Variants in WWOX observed in about 807,000 individuals in gnomAD.
WWOX encodes the protein WW domain containing oxidoreductase, also known as WW domain-containing oxidoreductase.
Under a neutral mutation model 46.2 loss-of-function variants are expected in WWOX, and 69 were observed. The observed-to-expected ratio is 1.49, with a 90% CI of 1.23 to 1.82. The LOEUF is 1.82. WWOX is among the 40% of genes most tolerant of loss of function. The pLI, the probability that WWOX is intolerant of heterozygous loss-of-function variation, is 0.00. For synonymous variants in WWOX, 359 were observed against 202.6 expected (o/e 1.77, Z -6.56); for missense variants, 919 against 542.6 (o/e 1.69, Z -6.89).
At chr16:78,654,689 A>G (rs1000423228) in intron 8 of WWOX, among the ~76,000 whole-genome samples, 2 of 152,056 alleles carry the variant, frequency 1.3e-5, no homozygotes, top group Admixed American at 1.3e-4. Flanking sequence ...ATAAAATTAC[A>G]TATCCAGTAT....
chr16:78,810,837 G>A (rs933895219), intron 8 of WWOX, among the ~76,000 whole-genome samples: 4 of 152,152 alleles, frequency 2.6e-5, no homozygotes, highest in Non-Finnish European at 5.9e-5. Context: ...AAATGACAGC[G>A]CAAGATCCAA....
intron 8 of WWOX, among the ~76,000 whole-genome samples, chr16:78,977,182 T>C (rs1236102264): frequency 6.6e-6 from 1 of 152,204 alleles, no homozygotes; most frequent in Non-Finnish European, 1.5e-5. Flanking sequence ...CAAGTGTTTG[T>C]TTTGAACCAC....
intron 8 of WWOX, among the ~76,000 whole-genome samples, chr16:78,635,954 A>G (rs1041541225): frequency 6.6e-6 from 1 of 152,284 alleles, no homozygotes; most frequent in Non-Finnish European, 1.5e-5. Flanking sequence ...GGAAGTACAG[A>G]GGAAGCCTTG....
At chr16:78,398,690 A>G (rs1220302062) in intron 6 of WWOX, among the ~76,000 whole-genome samples, 1 of 152,200 alleles carries the variant, frequency 6.6e-6, no homozygotes, top group African/African-American at 2.4e-5. Context: ...AGCTTGTAAT[A>G]TCTGTGCTAC....
At chr16:78,144,464 C>CATATAT (rs2034108954) in intron 4 of WWOX, among the ~76,000 whole-genome samples, 2 of 17,962 alleles carry the variant, frequency 1.1e-4, no homozygotes, top group Non-Finnish European at 2.2e-4. Context: ...TATATATATA[C>CATATAT]ACACATATAT....
chr16:78,179,332 A>G (rs2035453544), intron 5 of WWOX, among the ~76,000 whole-genome samples: 1 of 152,200 alleles, frequency 6.6e-6, no homozygotes, highest in African/African-American at 2.4e-5. Context: ...GGATTAACAG[A>G]TTACATTTGG....
chr16:78,807,167 T>G (rs531585142), intron 8 of WWOX, among the ~76,000 whole-genome samples: 35 of 152,340 alleles, frequency 2.3e-4, no homozygotes, highest in African/African-American at 7.5e-4. Flanking sequence ...TTATTTAGGT[T>G]TCTTGTGTCC....
chr16:78,398,591 A>G (rs2082341636), intron 6 of WWOX, among the ~76,000 whole-genome samples: 1 of 152,194 alleles, frequency 6.6e-6, no homozygotes, highest in Non-Finnish European at 1.5e-5. Flanking sequence ...TACATGGAAT[A>G]CTTCGGGGAT....
intron 8 of WWOX, among the ~76,000 whole-genome samples, chr16:78,727,810 T>A (rs865988622): frequency 3.9e-5 from 6 of 152,042 alleles, no homozygotes; most frequent in Admixed American, 6.6e-5. Flanking sequence ...GAGTGTGTCC[T>A]ACCTATGTGC....
intron 8 of WWOX, among the ~76,000 whole-genome samples, chr16:78,979,265 C>G (rs1228169742): frequency 6.6e-6 from 1 of 152,120 alleles, no homozygotes. Flanking sequence ...CCATTCCCAC[C>G]TCCCAGAGAT....
intron 8 of WWOX, among the ~76,000 whole-genome samples, chr16:78,637,109 C>T (rs2046590929): frequency 6.6e-6 from 1 of 152,180 alleles, no homozygotes; most frequent in African/African-American, 2.4e-5. Flanking sequence ...GCCCATCACA[C>T]TGCCTGCATT....
At chr16:79,187,274 C>G (rs922066203) in intron 8 of WWOX, among the ~76,000 whole-genome samples, 2 of 152,180 alleles carry the variant, frequency 1.3e-5, no homozygotes, top group South Asian at 4.1e-4. Context: ...ACGTGCTTAT[C>G]TATAGTGGTT....
chr16:78,815,324 C>T (rs553998524), intron 8 of WWOX, among the ~76,000 whole-genome samples: 4 of 144,978 alleles, frequency 2.8e-5, no homozygotes, highest in Non-Finnish European at 4.5e-5. Context: ...AACTCTGTCT[C>T]GAGAAAAAAA....
At chr16:78,927,973 T>A (rs894787647) in intron 8 of WWOX, among the ~76,000 whole-genome samples, 9 of 150,486 alleles carry the variant, frequency 6.0e-5, no homozygotes, top group Non-Finnish European at 1.2e-4. Context: ...AATCTCAGGG[T>A]TTTTGTGTGT....
In WWOX at chr16:78,930,360, C is replaced by G. The variant is rs1321794614; in HGVS notation, c.1057-281248C>G. Among the ~76,000 whole-genome samples, 10 of 151,150 alleles carry G rather than the reference C, an allele frequency of 6.6e-5. No individual in the cohort carries two copies. In the East Asian group the frequency reaches 7.8e-4, roughly 12 times the overall value. The stretch of plus-strand genomic sequence containing the variant: ...TGGCACATTCATGGCTCACTGCAGC[C>G]TCAACCTCCTGGGCTCAGGCGATCC... On this transcript the variant is annotated intron_variant, in intron 8 of 8. Transcript: ENST00000566780.
At chr16:78,909,813 A>G (rs11864001) in intron 8 of WWOX, among the ~76,000 whole-genome samples, 30,906 of 152,194 alleles carry the variant, frequency 0.2, 3,193 homozygotes, top group South Asian at 0.3. Flanking sequence ...TGATATGAGA[A>G]AAGGGCCAGT....
At chr16:78,694,641 T>A (rs1482654705) in intron 8 of WWOX, among the ~76,000 whole-genome samples, 1 of 152,142 alleles carries the variant, frequency 6.6e-6, no homozygotes, top group Non-Finnish European at 1.5e-5. Flanking sequence ...TGCATGCCCA[T>A]GTAAATACTG....
intron 5 of WWOX, among the ~76,000 whole-genome samples, chr16:78,324,004 T>G (rs2080551393): frequency 6.6e-6 from 1 of 152,170 alleles, no homozygotes; most frequent in South Asian, 2.1e-4. Flanking sequence ...CAACTTCACT[T>G]TCCCCTATGA....
chr16:78,585,675 G>T (rs764259704), intron 8 of WWOX, among the ~76,000 whole-genome samples: 25 of 141,928 alleles, frequency 1.8e-4, no homozygotes, highest in South Asian at 4.6e-4. Context: ...TTTGTTTTGG[G>T]TTTTTTTTTT....
Sources: allele counts gnomAD v4.1 joint callset (sites outside exome capture counted in the v4.1 genomes callset), GRCh38; gene constraint gnomAD v4.1.1; transcripts MANE v1.5; gene names NCBI Gene and HGNC (gene_info 2026-07-23, HGNC 2026-07-21).